ZNF654: variants seen among roughly 807,000 people sequenced by gnomAD.
ZNF654 encodes the protein zinc finger protein 654.
ZNF654 carries 19 observed loss-of-function variants against 95.3 expected under a neutral mutation model. That is an observed-to-expected ratio of 0.20 (90% CI 0.14 to 0.29). The LOEUF (loss-of-function observed/expected upper bound fraction) is 0.29. Ranked by LOEUF, ZNF654 falls within the 10% of genes least tolerant of loss-of-function variation. The pLI is 1.00. For synonymous variants in ZNF654, 413 were observed against 457.9 expected (o/e 0.90, Z 1.25); for missense variants, 1,046 against 1,341.0 (o/e 0.78, Z 3.44).
intron 5 of ZNF654, 81 bp from the exon 6 acceptor site, chr3:88,129,606 C>T: frequency 9.0e-7 from 1 of 1,109,202 alleles, no homozygotes; most frequent in East Asian, 2.6e-5. Context: ...AGCAATTTCT[C>T]TTGAATGTTT....
chr3:88,108,683 A>G (rs1382719125), intron 2 of ZNF654, among the ~76,000 whole-genome samples: 1 of 152,152 alleles, frequency 6.6e-6, no homozygotes, highest in Non-Finnish European at 1.5e-5. Context: ...ATCAACTATC[A>G]TGAGTATCAC....
At chr3:88,105,732 C>A (rs1704697759) in intron 2 of ZNF654, among the ~76,000 whole-genome samples, 1 of 152,096 alleles carries the variant, frequency 6.6e-6, no homozygotes, top group South Asian at 2.1e-4. Flanking sequence ...GAAATGGCAT[C>A]TTGGTATATT....
At chr3:88,100,654 T>C (rs1368557787) in intron 2 of ZNF654, among the ~76,000 whole-genome samples, 1 of 152,198 alleles carries the variant, frequency 6.6e-6, no homozygotes, top group African/African-American at 2.4e-5. Context: ...TTCATGTCCT[T>C]TGTAGGGACA....
intron 2 of ZNF654, among the ~76,000 whole-genome samples, chr3:88,101,673 T>A (rs755326438): frequency 6.6e-6 from 1 of 152,136 alleles, no homozygotes; most frequent in Non-Finnish European, 1.5e-5. Context: ...TCTTTTCATT[T>A]CTCCTAGGTA....
chr3:88,139,708 G>A lies in ZNF654; in HGVS notation c.2039G>A (p.Gly680Asp). ...GTTATTGAAAATGTTATTGAAAATG[G>A]CAGTCCTAATAATTCTTTAAATAAT... ...EDVIENVIEN[G>D]SPNNSLNNVF... Residue 680 changes from glycine to aspartate, a missense_variant, in exon 8 of 9, where the codon GGC (glycine) becomes GAC (aspartate). Gly to Asp is a moderately conservative substitution (Grantham distance 94). Transcript: ENST00000636215. The A allele has an allele frequency of 6.4e-7, 1 of 1,574,274 alleles. No homozygotes were observed. Among genetic ancestry groups the A allele is most frequent in the South Asian group, 1.2e-5 (1 of 86,854 alleles).
In ZNF654 at chr3:88,123,172, G is replaced by A. The variant is rs748532178; in HGVS notation, c.415-2962G>A. Among the ~76,000 whole-genome samples the A allele has an allele frequency of 6.4e-4, 97 of 152,020 alleles. 2 individuals carry two copies. Among genetic ancestry groups the A allele is most frequent in the Non-Finnish European group, 1.5e-4 (10 of 68,000 alleles). ...CAAAAAAGCCACTATTCTATTTAAG[G>A]AACGAGGAGCCAAAAAATACTTGTA... is the stretch of plus-strand genomic sequence containing the variant. On this transcript the variant is annotated intron_variant, in intron 3 of 8. Coordinates refer to ENST00000636215, the MANE Select transcript of ZNF654 (RefSeq NM_001350134.2).
chr3:88,136,968 G>A (rs1299516880), intron 7 of ZNF654, among the ~76,000 whole-genome samples: 2 of 152,180 alleles, frequency 1.3e-5, no homozygotes, highest in East Asian at 3.9e-4. Flanking sequence ...GCCGAGGTGG[G>A]CAGATCACTT....
chr3:88,112,876 G>A (rs1224286467), intron 2 of ZNF654, among the ~76,000 whole-genome samples: 1 of 151,978 alleles, frequency 6.6e-6, no homozygotes, highest in Non-Finnish European at 1.5e-5. Context: ...GGCATGAGTA[G>A]TATAATTGTT....
chr3:88,088,749 T>TGGATGG, intron 2 of ZNF654, among the ~76,000 whole-genome samples: 1 of 69,906 alleles, frequency 1.4e-5, no homozygotes, highest in East Asian at 4.7e-4. Context: ...TTTATTTATG[T>TGGATGG]ATGTATGTAT....
At chr3:88,113,442 C>A (rs868851782) in intron 3 of ZNF654, among the ~76,000 whole-genome samples, 1 of 152,156 alleles carries the variant, frequency 6.6e-6, no homozygotes, top group Admixed American at 6.6e-5. Flanking sequence ...CCTGCTACCA[C>A]CCTTGTGGAT....
At chr3:88,065,715 G>T (rs543401238) in intron 1 of ZNF654, among the ~76,000 whole-genome samples, 2 of 151,926 alleles carry the variant, frequency 1.3e-5, no homozygotes, top group South Asian at 4.2e-4. Flanking sequence ...CTACCTCACA[G>T]ATTGTTTATT....
intron 2 of ZNF654, 109 bp downstream of exon 2, chr3:88,086,511 A>G (rs776645723): frequency 6.2e-6 from 6 of 965,036 alleles, no homozygotes; most frequent in Non-Finnish European, 7.0e-6. Context: ...TATTCCCTCA[A>G]AAAGAAATGT....
intron 2 of ZNF654, among the ~76,000 whole-genome samples, chr3:88,102,506 G>A (rs1253160366): frequency 6.6e-6 from 1 of 152,122 alleles, no homozygotes; most frequent in Non-Finnish European, 1.5e-5. Flanking sequence ...GCGTGATGAA[G>A]GTCTTTTTGT....
At chr3:88,071,506 C>T (rs1707508231) in intron 1 of ZNF654, among the ~76,000 whole-genome samples, 3 of 152,132 alleles carry the variant, frequency 2.0e-5, no homozygotes, top group African/African-American at 4.8e-5. Flanking sequence ...TTTGGCTGGG[C>T]GCGGTAGCGG....
chr3:88,086,420 C>A lies in ZNF654; in HGVS notation c.332+18C>A. The A allele has an allele frequency of 6.9e-7, 1 of 1,458,942 alleles. No homozygotes were observed. The highest frequency in any genetic ancestry group is 9.1e-7 in the Non-Finnish European group (1 of 1,103,282). 90.4% of individuals were successfully genotyped at this position (1,458,942 alleles called of 1,614,324 possible). ...CTTGCTGTGTAAGTACTTTTTACTT[C>A]TTATAAATGCATTATTTTTCTTGAT... On this transcript the variant is annotated intron_variant, in intron 2 of 8. Coordinates refer to ENST00000636215, the MANE Select transcript of ZNF654 (RefSeq NM_001350134.2).
chr3:88,115,446 G>A (rs1705332700), intron 3 of ZNF654, among the ~76,000 whole-genome samples: 1 of 152,140 alleles, frequency 6.6e-6, no homozygotes. Context: ...AAAGTGCTTG[G>A]CATAATTCCT....
intron 2 of ZNF654, among the ~76,000 whole-genome samples, chr3:88,094,545 G>A (rs1319206957): frequency 6.6e-6 from 1 of 152,114 alleles, no homozygotes; most frequent in African/African-American, 2.4e-5. Flanking sequence ...GGTATTTATT[G>A]TTTTTCTATT....
At chr3:88,067,476 G>T (rs4502603) in intron 1 of ZNF654, among the ~76,000 whole-genome samples, 119,112 of 152,098 alleles carry the variant, frequency 0.78, 47,570 homozygotes, top group South Asian at 0.91. Context: ...AGAGAAAGTA[G>T]ACTAGGAAAA....
chr3:88,101,595 T>C lies in ZNF654; in HGVS notation c.333-11520T>C, dbSNP rs138169554. ...ATATTTTATTTATGCATTCAGCAAT[T>C]GATGGCTATTCAGATTACTTCCAGT... On this transcript the variant is annotated intron_variant, in intron 2 of 8. Coordinates refer to ENST00000636215, the MANE Select transcript of ZNF654 (RefSeq NM_001350134.2). Among the ~76,000 whole-genome samples the C allele has an allele frequency of 5.0e-3, 760 of 152,286 alleles. 5 individuals carry two copies. Among genetic ancestry groups the C allele is most frequent in the African/African-American group, 0.018 (730 of 41,562 alleles).
Sources: gnomAD v4.1 joint callset for allele counts (sites outside exome capture counted in the v4.1 genomes callset) on GRCh38, gnomAD v4.1.1 for gene constraint, MANE v1.5 for transcripts, NCBI Gene and HGNC (gene_info 2026-07-23, HGNC 2026-07-21) for gene names.